The following SORCS3 variants were observed in gnomAD, a reference collection of about 807,000 sequenced individuals.
The protein encoded by SORCS3 is sortilin related VPS10 domain containing receptor 3, also known as VPS10 domain-containing receptor SorCS3.
SORCS3 carries 57 observed loss-of-function variants against 146.3 expected under a neutral mutation model. The observed-to-expected ratio is 0.39, with a 90% confidence interval of 0.31 to 0.49. The LOEUF is 0.49. Among genes scored for constraint, SORCS3 ranks in the 20% least tolerant of loss-of-function variants. The probability of loss-of-function intolerance (pLI) is 0.92; values close to 1 mark genes in which losing one functional copy is unlikely to be tolerated. For missense variants in SORCS3, 1,341 were observed against 1,575.5 expected, an observed-to-expected ratio of 0.85 and a Z score of 2.52; for synonymous variants, 653 against 618.5, an observed-to-expected ratio of 1.06 and a Z score of -0.83.
intron 1 of SORCS3, among the ~76,000 whole-genome samples, chr10:104,806,809 G>A (rs2017683962): frequency 6.6e-6 from 1 of 152,214 alleles, no homozygotes; most frequent in South Asian, 2.1e-4. Context: ...TAAGAGGCTA[G>A]TGTGATTATG....
In SORCS3 at chr10:104,800,219, A is replaced by G. The variant is rs894068669; in HGVS notation, c.628-42573A>G. 2.7e-5 allele frequency among the ~76,000 whole-genome samples: 4 copies of G among 148,686 alleles called. No individual in the cohort carries two copies. In the Admixed American group the frequency reaches 2.7e-4, roughly 10 times the overall value. ...ACTACTAAATGAAAAAGCCAATCTG[A>G]AGAGGCTACATACCATATGATTTCA... On this transcript the variant is annotated intron_variant, in intron 1 of 26. Coordinates refer to ENST00000369701, the MANE Select transcript of SORCS3 (RefSeq NM_014978.3).
At chr10:104,867,246 G>T (rs185216275) in intron 2 of SORCS3, among the ~76,000 whole-genome samples, 3 of 152,214 alleles carry the variant, frequency 2.0e-5, no homozygotes, top group Admixed American at 6.5e-5. Context: ...AAAGTGGTCA[G>T]GGGAGAACTC....
chr10:104,751,750 G>A (rs2016985777), intron 1 of SORCS3, among the ~76,000 whole-genome samples: 1 of 151,444 alleles, frequency 6.6e-6, no homozygotes, highest in South Asian at 2.1e-4. Context: ...TGCATTTATA[G>A]CTCTGTGTCT....
intron 2 of SORCS3, among the ~76,000 whole-genome samples, chr10:104,901,897 C>G (rs2018854843): frequency 6.6e-6 from 1 of 152,130 alleles, no homozygotes; most frequent in Non-Finnish European, 1.5e-5. Flanking sequence ...CTCACTTAGG[C>G]AGTTTTTGCA....
intron 2 of SORCS3, among the ~76,000 whole-genome samples, chr10:104,857,172 G>A (rs1456548543): frequency 6.6e-6 from 1 of 151,044 alleles, no homozygotes; most frequent in Non-Finnish European, 1.5e-5. Context: ...TCTGACAAAT[G>A]GTTAGGAGGC....
At chr10:104,895,573 C>T (rs548721320) in intron 2 of SORCS3, among the ~76,000 whole-genome samples, 2 of 152,338 alleles carry the variant, frequency 1.3e-5, no homozygotes, top group African/African-American at 4.8e-5. Context: ...ACTCTCCTTT[C>T]CTTTCCTTTT....
At chr10:104,747,257 T>G (rs1212507293) in intron 1 of SORCS3, among the ~76,000 whole-genome samples, 2 of 152,200 alleles carry the variant, frequency 1.3e-5, no homozygotes, top group Non-Finnish European at 1.5e-5. Flanking sequence ...CTGCTCAAAG[T>G]GTTTGTCCTA....
At chr10:105,022,522 C>T (rs1025856498) in intron 4 of SORCS3, among the ~76,000 whole-genome samples, 2 of 151,840 alleles carry the variant, frequency 1.3e-5, no homozygotes, top group Non-Finnish European at 2.9e-5. Context: ...AGGCTGGTCT[C>T]GAACTCCTGA....
intron 3 of SORCS3, among the ~76,000 whole-genome samples, chr10:104,940,246 TTTTTTTTTTA>T (rs2019305234): frequency 9.6e-5 from 3 of 31,114 alleles, no homozygotes; most frequent in African/African-American, 2.6e-4. Flanking sequence ...ATATTTTTTT[TTTTTTTTTTA>T]TTATACTTTA....
At chr10:104,902,596 G>A (rs1012038246) in intron 2 of SORCS3, among the ~76,000 whole-genome samples, 1 of 152,220 alleles carries the variant, frequency 6.6e-6, no homozygotes, top group Non-Finnish European at 1.5e-5. Context: ...CTGTTCAATA[G>A]TCAGATCACT....
intron 2 of SORCS3, among the ~76,000 whole-genome samples, chr10:104,909,046 G>A (rs1360941634): frequency 6.6e-6 from 1 of 152,104 alleles, no homozygotes; most frequent in East Asian, 1.9e-4. Context: ...GTGGGACAGA[G>A]GTGGAGGCTG....
chr10:104,837,226 G>A (rs143421841), intron 1 of SORCS3, among the ~76,000 whole-genome samples: 131 of 152,270 alleles, frequency 8.6e-4, no homozygotes, highest in African/African-American at 3.0e-3. Context: ...GTCTAACAGG[G>A]AAGACAGACA....
intron 5 of SORCS3, among the ~76,000 whole-genome samples, chr10:105,049,268 C>T (rs2055395141): frequency 6.6e-6 from 1 of 152,112 alleles, no homozygotes. Flanking sequence ...CTCCTCTGTT[C>T]ATATCTGTCC....
intron 1 of SORCS3, among the ~76,000 whole-genome samples, chr10:104,686,495 G>T (rs570653597): frequency 6.6e-6 from 1 of 152,192 alleles, no homozygotes; most frequent in African/African-American, 2.4e-5. Flanking sequence ...ACCCACAGTT[G>T]GTAAATTGCA....
chr10:104,716,347 A>G (rs2016478559), intron 1 of SORCS3, among the ~76,000 whole-genome samples: 1 of 152,196 alleles, frequency 6.6e-6, no homozygotes, highest in East Asian at 1.9e-4. Context: ...AAGAATAAAT[A>G]TTGCAGGAGA....
chr10:104,955,381 G>T (rs2133629686), intron 3 of SORCS3, among the ~76,000 whole-genome samples: 1 of 151,654 alleles, frequency 6.6e-6, no homozygotes, highest in South Asian at 2.1e-4. Context: ...TGAAAATATT[G>T]AGTGTTTACC....
chr10:104,681,914 C>A (rs757455214), intron 1 of SORCS3, among the ~76,000 whole-genome samples: 6 of 152,218 alleles, frequency 3.9e-5, no homozygotes, highest in Non-Finnish European at 8.8e-5. Flanking sequence ...CCACATATTT[C>A]TCTTTTTTTT....
chr10:104,949,943 A>C (rs2019411087), intron 3 of SORCS3, among the ~76,000 whole-genome samples: 2 of 152,246 alleles, frequency 1.3e-5, no homozygotes, highest in South Asian at 4.1e-4. Flanking sequence ...GAGAGTAATA[A>C]GATTTGATTT....
chr10:105,157,787 T>C (rs1030824697), intron 10 of SORCS3, among the ~76,000 whole-genome samples: 3 of 152,166 alleles, frequency 2.0e-5, no homozygotes, highest in African/African-American at 7.2e-5. Context: ...ACATGATGTG[T>C]GAGATGGTAT....
Sources: allele counts gnomAD v4.1 joint callset (sites outside exome capture counted in the v4.1 genomes callset), GRCh38; gene constraint gnomAD v4.1.1; transcripts MANE v1.5; gene names NCBI Gene and HGNC (gene_info 2026-07-23, HGNC 2026-07-21).